Variants in PCDHA1 observed in about 807,000 individuals in gnomAD.
PCDHA1 encodes protocadherin alpha-1.
PCDHA1 carries 42 observed loss-of-function variants against 61.3 expected under a neutral mutation model. The ratio of observed to expected loss-of-function variants is 0.69; its 90% CI spans 0.54 to 0.89. PCDHA1 has a LOEUF of 0.89. Ranked by LOEUF, PCDHA1 falls within the 40% of genes least tolerant of loss-of-function variation. The probability of loss-of-function intolerance (pLI) is 0.00; values close to 1 mark genes in which losing one functional copy is unlikely to be tolerated. For synonymous variants in PCDHA1, 610 were observed against 553.8 expected (o/e 1.10, Z -1.43); for missense variants, 1,256 against 1,235.3 (o/e 1.02, Z -0.25).
intron 1 of PCDHA1, among the ~76,000 whole-genome samples, chr5:140,793,468 GA>G (rs536162808): frequency 9.2e-5 from 14 of 152,176 alleles, no homozygotes; most frequent in East Asian, 5.8e-4. Context: ...GTACATGAGG[GA>G]AAAAAATTGT....
intron 1 of PCDHA1, among the ~76,000 whole-genome samples, chr5:140,925,189 C>T (rs1488098385): frequency 1.3e-5 from 2 of 152,116 alleles, no homozygotes; most frequent in Non-Finnish European, 1.5e-5. Context: ...TACCATCACC[C>T]AGCTTCAATA....
At chr5:140,999,521 T>C (rs1554256849) in intron 3 of PCDHA1, among the ~76,000 whole-genome samples, 1 of 152,106 alleles carries the variant, frequency 6.6e-6, no homozygotes, top group Non-Finnish European at 1.5e-5. Flanking sequence ...AGCATTTTGT[T>C]ACCCCCTGGA....
At chr5:140,841,195 T>A (rs1777082025) in intron 1 of PCDHA1, 13 of 1,267,354 alleles carry the variant, frequency 1.0e-5, no homozygotes, top group Non-Finnish European at 1.4e-5. Context: ...GTCTTTTCTC[T>A]GACAGCATCT....
intron 1 of PCDHA1, among the ~76,000 whole-genome samples, chr5:140,955,335 A>G (rs538609650): frequency 6.6e-6 from 1 of 152,266 alleles, no homozygotes; most frequent in South Asian, 2.1e-4. Flanking sequence ...AGTTCCCATA[A>G]TCCCCACATG....
intron 1 of PCDHA1, among the ~76,000 whole-genome samples, chr5:140,878,566 A>G (rs2057645190): frequency 6.6e-6 from 1 of 152,262 alleles, no homozygotes. Context: ...AACTTATCAT[A>G]GTATACCACT....
intron 1 of PCDHA1, among the ~76,000 whole-genome samples, chr5:140,893,569 A>G (rs750933580): frequency 3.3e-5 from 5 of 152,120 alleles, no homozygotes; most frequent in Non-Finnish European, 7.4e-5. Flanking sequence ...GTACTTCCTC[A>G]GTTTTTGCTT....
chr5:140,807,657 C>A (rs1554124181), intron 1 of PCDHA1: 3 of 1,614,102 alleles, frequency 1.9e-6, no homozygotes, highest in Non-Finnish European at 2.5e-6. Context: ...CTAGAGGGCG[C>A]CTCGGATGCA....
chr5:140,821,540 C>T (rs1554128115), intron 1 of PCDHA1: 7 of 480,180 alleles, frequency 1.5e-5, no homozygotes, highest in South Asian at 4.2e-5. Flanking sequence ...AACACTTACC[C>T]TTTCATCCAC....
intron 1 of PCDHA1, among the ~76,000 whole-genome samples, chr5:140,875,000 C>A (rs2055209641): frequency 3.3e-5 from 5 of 152,130 alleles, no homozygotes; most frequent in Admixed American, 3.3e-4. Flanking sequence ...TATCATTTTC[C>A]ATGATAAAGT....
In PCDHA1 at chr5:140,787,866, G is replaced by A; in HGVS notation, c.1576G>A (p.Glu526Lys). The stretch of plus-strand genomic sequence containing the variant: ...GTACGCACTGCAGCCCCTGGACCAC[G>A]AGGAGCTGGAGCTGCTGCAGTTCCA... ...KVYALQPLDHEELELLQFQVS... is the reference protein window; with the variant it reads ...KVYALQPLDHKELELLQFQVS... Residue 526 changes from glutamate (E) to lysine (K), a missense_variant, in exon 1 of 4, where the codon GAG becomes AAG. Physicochemically the swap from Glu to Lys is moderately conservative, Grantham distance 56. Coordinates refer to ENST00000504120, the MANE Select transcript of PCDHA1 (RefSeq NM_018900.4). The A allele has an allele frequency of 6.2e-7, 1 of 1,613,112 alleles. No individual in the cohort carries two copies. The highest frequency in any genetic ancestry group is 8.5e-7 in the Non-Finnish European group (1 of 1,179,848).
chr5:140,852,028 T>A, intron 1 of PCDHA1: 1 of 943,108 alleles, frequency 1.1e-6, no homozygotes, highest in Non-Finnish European at 1.3e-6. Context: ...AAACTTCGCT[T>A]ATTGAGTTTT....
intron 1 of PCDHA1, chr5:140,882,281 T>C (rs1554173360): frequency 6.2e-7 from 1 of 1,612,634 alleles, no homozygotes; most frequent in African/African-American, 1.3e-5. Context: ...GCTGTCTTCC[T>C]GGCAAGGAGG....
chr5:140,956,132 C>T (rs782171826), intron 1 of PCDHA1, among the ~76,000 whole-genome samples: 1 of 152,028 alleles, frequency 6.6e-6, no homozygotes, highest in African/African-American at 2.4e-5. Context: ...ATTTGAATAC[C>T]CTTTATTTCT....
At chr5:140,967,331 C>T (rs2096128497) in intron 1 of PCDHA1, 1 of 1,608,078 alleles carries the variant, frequency 6.2e-7, no homozygotes, top group African/African-American at 1.3e-5. Context: ...CGAGCTCAGC[C>T]CCAGCGAGCA....
At chr5:140,919,166 GT>G (rs1382267419) in intron 1 of PCDHA1, among the ~76,000 whole-genome samples, 15 of 152,114 alleles carry the variant, frequency 9.9e-5, no homozygotes, top group Admixed American at 9.8e-4. Context: ...TATGTTTTTA[GT>G]TGCTATATCT....
At position 140,853,383 on chromosome 5, in the gene PCDHA1, A is replaced by T. The variant is rs2150531366; in HGVS notation, c.2394+64699A>T. ...GGATCCAGAGATGGTAAAATTCAAAACAGCCTGTCAAGTTCAAAACAGAGA... is the reference window on the plus strand; with the variant it reads ...GGATCCAGAGATGGTAAAATTCAAATCAGCCTGTCAAGTTCAAAACAGAGA... On this transcript the variant is annotated intron_variant, in intron 1 of 3. Transcript: ENST00000504120. 4 of 985,712 alleles carry T rather than the reference A, an allele frequency of 4.1e-6. No homozygotes were observed. In the Admixed American group the frequency reaches 1.9e-4, roughly 47 times the overall value. The allele number at this position is 985,712 out of a possible 1,614,324, so 61.1% of individuals were successfully genotyped here.
At chr5:140,902,400 C>T (rs2069421777) in intron 1 of PCDHA1, among the ~76,000 whole-genome samples, 1 of 151,930 alleles carries the variant, frequency 6.6e-6, no homozygotes, top group South Asian at 2.1e-4. Flanking sequence ...ATGTTGAATA[C>T]TATGTTGAAT....
At chr5:140,802,037 T>C (rs782151411) in intron 1 of PCDHA1, 8 of 1,614,076 alleles carry the variant, frequency 5.0e-6, no homozygotes, top group Non-Finnish European at 6.8e-6. Context: ...TCGCGTATTC[T>C]TTCAATACGG....
intron 1 of PCDHA1, among the ~76,000 whole-genome samples, chr5:140,956,241 T>G (rs1396335938): frequency 1.3e-5 from 2 of 152,204 alleles, no homozygotes; most frequent in African/African-American, 4.8e-5. Context: ...TCAAGGGGAA[T>G]GCTTCCAGGT....
Sources: allele counts gnomAD v4.1 joint callset (sites outside exome capture counted in the v4.1 genomes callset), GRCh38; gene constraint gnomAD v4.1.1; transcripts MANE v1.5; gene names NCBI Gene and HGNC (gene_info 2026-07-23, HGNC 2026-07-21).